The following FRZB variants were observed in gnomAD, a reference collection of about 807,000 sequenced individuals.
FRZB encodes frizzled related protein, also known as secreted frizzled-related protein 3.
FRZB carries 34 observed loss-of-function variants against 32.5 expected under a neutral mutation model. That is an observed-to-expected ratio of 1.05 (90% CI 0.80 to 1.39). The LOEUF is 1.39. FRZB is among the 40% of genes most tolerant of loss of function. FRZB has a pLI of 0.00. For missense variants in FRZB, 423 were observed against 424.8 expected, an observed-to-expected ratio of 1.00 and a Z score of 0.04; for synonymous variants, 170 against 159.2, an observed-to-expected ratio of 1.07 and a Z score of -0.51.
chr2:182,851,187 T>C (rs1427996647), intron 2 of FRZB, among the ~76,000 whole-genome samples: 1 of 152,244 alleles, frequency 6.6e-6, no homozygotes, highest in Non-Finnish European at 1.5e-5. Context: ...TTTCACTTTG[T>C]TGATTGTTTC....
At chr2:182,856,194 C>T (rs1048476969) in intron 2 of FRZB, among the ~76,000 whole-genome samples, 1 of 151,590 alleles carries the variant, frequency 6.6e-6, no homozygotes, top group Admixed American at 6.6e-5. Flanking sequence ...GAAAGAATAC[C>T]AGAAGGAAGT....
At chr2:182,844,803 C>G (rs73037284) in intron 2 of FRZB, among the ~76,000 whole-genome samples, 8,391 of 152,142 alleles carry the variant, frequency 0.055, 762 homozygotes, top group African/African-American at 0.19. Context: ...ATATACATAG[C>G]TAGACTATTA....
chr2:182,842,544 C>G lies in FRZB; in HGVS notation c.527-1G>C. ...CTAATAGGCTTACATTTACAGCGTT[C>G]TGAAAAACACATTTTAGTTATAAGC... On this transcript the variant is annotated splice_acceptor_variant, in intron 2 of 5. Coordinates refer to ENST00000295113, the MANE Select transcript of FRZB (RefSeq NM_001463.4). LOFTEE classifies it high-confidence loss of function. 1.2e-6 allele frequency: 2 copies of G among 1,608,650 alleles called. No homozygotes were observed. Among genetic ancestry groups the G allele is most frequent in the South Asian group, 2.2e-5 (2 of 90,738 alleles).
intron 2 of FRZB, among the ~76,000 whole-genome samples, chr2:182,847,273 C>T (rs1261196211): frequency 1.3e-5 from 2 of 152,048 alleles, no homozygotes; most frequent in African/African-American, 4.8e-5. Flanking sequence ...ATATTTAAAG[C>T]TTTGGGTGAG....
At position 182,838,430 on chromosome 2, in the gene FRZB, T is replaced by C. The variant is rs1166525240; in HGVS notation, c.776A>G (p.Tyr259Cys). 4.3e-6 allele frequency: 7 copies of C among 1,611,986 alleles called. No individual in the cohort carries two copies. The highest frequency in any genetic ancestry group is 5.9e-6 in the Non-Finnish European group (7 of 1,178,528). The change falls in exon 4 of 6, where the codon TAT (tyrosine) becomes TGT (cysteine). Residue 259 changes from tyrosine (Y) to cysteine (C), a missense_variant. By Grantham distance (194) the Tyr-to-Cys change is radical. Transcript: ENST00000295113. Reference sequence around the variant, plus strand: ...TTACCTGGAACGTTCCTCATCTTCATAGCCCATGATGATATATTCCTCATT... The same window carrying C: ...TTACCTGGAACGTTCCTCATCTTCACAGCCCATGATGATATATTCCTCATT... ...NVNEEYIIMG[Y>C]EDEERSRLLL...
At chr2:182,840,707 A>C (rs141536011) in intron 3 of FRZB, among the ~76,000 whole-genome samples, 8 of 152,236 alleles carry the variant, frequency 5.3e-5, no homozygotes, top group African/African-American at 1.7e-4. Context: ...AACTATGATC[A>C]ACTTAGCTAT....
chr2:182,866,428 A>T lies in FRZB; in HGVS notation c.125T>A (p.Leu42Gln). 1 of 1,599,352 alleles carries T rather than the reference A, an allele frequency of 6.3e-7. No homozygotes were observed. Among genetic ancestry groups the T allele is most frequent in the Non-Finnish European group, 8.5e-7 (1 of 1,171,396 alleles). Residue 42 changes from leucine to glutamine, a missense_variant, in exon 1 of 6, where the codon CTG becomes CAG. Transcript: ENST00000295113. This position sits in a 1 kb window ranked among gnomAD's most constrained non-coding sequence, Gnocchi z 4.5. The part of the protein sequence containing the change: ...AAACEPVRIP[L>Q]CKSLPWNMTK... ...CATGTTCCAGGGCAGGGACTTGCAC[A>T]GGGGGATGCGGACGGGCTCACAGGC...
rs553848668 is a variant in FRZB at position 182,864,344 on chromosome 2, C to T, written c.478+1731G>A. Among the ~76,000 whole-genome samples, 5 of 152,308 alleles carry T rather than the reference C, an allele frequency of 3.3e-5. No homozygotes were observed. In the South Asian group the frequency reaches 1.0e-3, roughly 32 times the overall value. Reference sequence around the variant, plus strand: ...CAGCCTGAACCACTGCCACCTCATTCCTAGCCCTTGGCCTGAGAGGAGCAC... The same window carrying T: ...CAGCCTGAACCACTGCCACCTCATTTCTAGCCCTTGGCCTGAGAGGAGCAC... On this transcript the variant is annotated intron_variant, in intron 1 of 5. Coordinates refer to ENST00000295113, the MANE Select transcript of FRZB (RefSeq NM_001463.4).
chr2:182,841,783 G>A (rs1339874800), intron 3 of FRZB, among the ~76,000 whole-genome samples: 2 of 152,032 alleles, frequency 1.3e-5, no homozygotes, highest in Admixed American at 1.3e-4. Flanking sequence ...AAATCAAGAT[G>A]GTAATATATC....
rs1035011915 is a variant in FRZB, at chr2:182,840,437, A to G, written c.593-1824T>C. Among the ~76,000 whole-genome samples the G allele has an allele frequency of 3.3e-5, 5 of 152,112 alleles. No individual in the cohort carries two copies. In the East Asian group the frequency reaches 7.7e-4, roughly 23 times the overall value. On this transcript the variant is annotated intron_variant, in intron 3 of 5. Transcript: ENST00000295113. ...AGCACATGTACCCACTCCAAAATAAATATCTTTCTACAAGACCTACTTTTT... is the reference window on the plus strand; with the variant it reads ...AGCACATGTACCCACTCCAAAATAAGTATCTTTCTACAAGACCTACTTTTT...
chr2:182,847,185 C>T (rs867223393), intron 2 of FRZB, among the ~76,000 whole-genome samples: 1 of 152,164 alleles, frequency 6.6e-6, no homozygotes, highest in Non-Finnish European at 1.5e-5. Flanking sequence ...GAAATTAAAA[C>T]ACAATGTATA....
rs750151866 is a variant in FRZB, at chr2:182,838,055, T to C, written c.798-44A>G. On this transcript the variant is annotated intron_variant, in intron 4 of 5. Transcript: ENST00000295113. Reference sequence around the variant, plus strand: ...CAAACATTTTTGAAAAATTAAAACCTGTTACTGAAAAGTACAAGGAAACAG... The same window carrying C: ...CAAACATTTTTGAAAAATTAAAACCCGTTACTGAAAAGTACAAGGAAACAG... 13 of 1,486,846 alleles carry C rather than the reference T, an allele frequency of 8.7e-6. No individual in the cohort carries two copies. In the African/African-American group the frequency reaches 1.7e-4, roughly 19 times the overall value. 92.1% of individuals were successfully genotyped at this position (1,486,846 alleles called of 1,614,324 possible).
intron 3 of FRZB, among the ~76,000 whole-genome samples, chr2:182,840,354 A>G (rs1249362162): frequency 6.6e-6 from 1 of 152,096 alleles, no homozygotes; most frequent in Non-Finnish European, 1.5e-5. Context: ...AACTGTGCAA[A>G]TGTTCTCAAA....
chr2:182,857,877 G>A (rs771099176), intron 2 of FRZB, among the ~76,000 whole-genome samples: 2 of 152,128 alleles, frequency 1.3e-5, no homozygotes, highest in Non-Finnish European at 2.9e-5. Flanking sequence ...AAGCATATAT[G>A]TGGATAGCAA....
intron 4 of FRZB, 57 bp downstream of exon 4, chr2:182,838,352 T>C: frequency 1.4e-6 from 2 of 1,420,086 alleles, no homozygotes; most frequent in Admixed American, 3.4e-5. Context: ...TAGAGACAAA[T>C]TTAATGAGAG....
At chr2:182,841,210 C>A (rs576754923) in intron 3 of FRZB, among the ~76,000 whole-genome samples, 22 of 152,062 alleles carry the variant, frequency 1.4e-4, no homozygotes, top group Non-Finnish European at 2.5e-4. Flanking sequence ...GAGTAGCAGG[C>A]AAAACATAGA....
In FRZB at chr2:182,834,657, C is replaced by A; in HGVS notation, c.*192G>T. On this transcript the variant is annotated 3_prime_UTR_variant, in exon 6 of 6. Transcript: ENST00000295113. The stretch of plus-strand genomic sequence containing the variant: ...ATATACTTAAGAGTCTGCCCCCAAA[C>A]CATTACAAAGGGGTTGAGAGAAGAG... 1 of 589,108 alleles carries A rather than the reference C, an allele frequency of 1.7e-6. No individual in the cohort carries two copies. 36.5% of individuals were successfully genotyped at this position (589,108 alleles called of 1,614,324 possible). A position where few individuals can be genotyped will look rare whatever the true frequency, so the allele number is the denominator to read the frequency against.
chr2:182,864,165 T>C (rs766341529), intron 1 of FRZB, among the ~76,000 whole-genome samples: 1 of 152,220 alleles, frequency 6.6e-6, no homozygotes, highest in Non-Finnish European at 1.5e-5. Flanking sequence ...CCACAGTGAT[T>C]GGTAACTCAG....
Position 182,835,973 on chromosome 2 carries a change from T to C in FRZB, c.862-1008A>G, listed in dbSNP as rs1168502584. Among the ~76,000 whole-genome samples, 3 of 152,250 alleles carry C rather than the reference T, an allele frequency of 2.0e-5. No individual in the cohort carries two copies. In the East Asian group the frequency reaches 5.8e-4, roughly 29 times the overall value. Reference sequence around the variant, plus strand: ...TGGAACTGATAATAGAATCTACTTATAAGTAGATACATCTGAAGATTAATA... The same window carrying C: ...TGGAACTGATAATAGAATCTACTTACAAGTAGATACATCTGAAGATTAATA... On this transcript the variant is annotated intron_variant, in intron 5 of 5. Transcript: ENST00000295113.
Sources: gnomAD v4.1 joint callset for allele counts (sites outside exome capture counted in the v4.1 genomes callset) on GRCh38, gnomAD v4.1.1 for gene constraint, Gnocchi (gnomAD v3.1) non-coding constraint, MANE v1.5 for transcripts, NCBI Gene and HGNC (gene_info 2026-07-23, HGNC 2026-07-21) for gene names.